The following XKR4 variants were observed in gnomAD, a reference collection of about 807,000 sequenced individuals.
The protein encoded by XKR4 is XK related 4.
Under a neutral mutation model 53.9 loss-of-function variants are expected in XKR4, and 12 were observed. The observed-to-expected ratio is 0.22, with a 90% CI of 0.14 to 0.36. The LOEUF (loss-of-function observed/expected upper bound fraction) is 0.36, where lower values mean the gene tolerates loss of function less well. XKR4 is among the 10% of genes least tolerant of loss of function. XKR4 has a pLI of 1.00. For synonymous variants in XKR4, 354 were observed against 362.4 expected, an observed-to-expected ratio of 0.98 and a Z score of 0.26; for missense variants, 799 against 859.5, an observed-to-expected ratio of 0.93 and a Z score of 0.88.
In XKR4 at chr8:55,458,640, G is replaced by A. The variant is rs1045808365; in HGVS notation, c.1007-64641G>A. On this transcript the variant is annotated intron_variant, in intron 2 of 2. Transcript: ENST00000327381. Reference sequence around the variant, plus strand: ...CTCAGTGGGATGGGGAGCTGGAAAGGGAATGGAGTGGGAAAGTGGTCTTCC... The same window carrying A: ...CTCAGTGGGATGGGGAGCTGGAAAGAGAATGGAGTGGGAAAGTGGTCTTCC... Among the ~76,000 whole-genome samples the A allele has an allele frequency of 7.2e-5, 11 of 152,214 alleles. 1 individual carries two copies. Among genetic ancestry groups the A allele is most frequent in the Middle Eastern group, 6.3e-3 (2 of 316 alleles).
chr8:55,292,740 G>A (rs576141211), intron 1 of XKR4, among the ~76,000 whole-genome samples: 4 of 152,078 alleles, frequency 2.6e-5, no homozygotes, highest in African/African-American at 9.6e-5. Flanking sequence ...GTTAATTTGA[G>A]ACTCTTCTTT....
Position 55,333,638 on chromosome 8 carries a change from A to T in XKR4, c.807-24040A>T, listed in dbSNP as rs369509097. On this transcript the variant is annotated intron_variant, in intron 1 of 2. Transcript: ENST00000327381. ...CCCCTTGCGATTTTCTTGAGTTATAACAATAGCCTCCAATGGCTTTCTCTA... is the reference window on the plus strand; with the variant it reads ...CCCCTTGCGATTTTCTTGAGTTATATCAATAGCCTCCAATGGCTTTCTCTA... 3.9e-5 allele frequency among the ~76,000 whole-genome samples: 6 copies of T among 152,262 alleles called. No homozygotes were observed. The East Asian group carries it at 9.6e-4, about 24-fold the overall frequency.
chr8:55,434,804 C>T (rs557828826), intron 2 of XKR4, among the ~76,000 whole-genome samples: 6 of 152,284 alleles, frequency 3.9e-5, no homozygotes, highest in African/African-American at 1.2e-4. Flanking sequence ...AGCTCCTTCA[C>T]ACAGTTACAC....
intron 1 of XKR4, among the ~76,000 whole-genome samples, chr8:55,349,956 A>C (rs538344149): frequency 6.6e-6 from 1 of 152,282 alleles, no homozygotes; most frequent in South Asian, 2.1e-4. Context: ...CCCACCACTG[A>C]GAGATCATCA....
At chr8:55,464,304 A>C (rs576754390) in intron 2 of XKR4, among the ~76,000 whole-genome samples, 1 of 152,294 alleles carries the variant, frequency 6.6e-6, no homozygotes, top group Admixed American at 6.5e-5. Flanking sequence ...CATCCCTGGG[A>C]TGCAAGGCTG....
chr8:55,448,449 A>G (rs1000989107), intron 2 of XKR4, among the ~76,000 whole-genome samples: 1 of 152,378 alleles, frequency 6.6e-6, no homozygotes, highest in African/African-American at 2.4e-5. Context: ...AGGCAAACCC[A>G]TGCTACTGGA....
intron 1 of XKR4, among the ~76,000 whole-genome samples, chr8:55,216,496 G>A (rs62517006): frequency 0.037 from 5,654 of 152,288 alleles, 159 homozygotes; most frequent in Middle Eastern, 0.068. Flanking sequence ...GAGAGGCCAA[G>A]GCGGGCTGAT....
At chr8:55,196,123 C>G (rs1000949906) in intron 1 of XKR4, among the ~76,000 whole-genome samples, 1 of 149,478 alleles carries the variant, frequency 6.7e-6, no homozygotes, top group African/African-American at 2.5e-5. Context: ...CCCTCTACTT[C>G]TTTATAGTAA....
chr8:55,394,894 G>A (rs1010112371), intron 2 of XKR4, among the ~76,000 whole-genome samples: 5 of 152,008 alleles, frequency 3.3e-5, no homozygotes, highest in African/African-American at 1.2e-4. Flanking sequence ...TCTTCATTTT[G>A]TAATCACTTT....
chr8:55,326,116 C>T (rs1399292364), intron 1 of XKR4, among the ~76,000 whole-genome samples: 2 of 152,234 alleles, frequency 1.3e-5, no homozygotes, highest in East Asian at 1.9e-4. Flanking sequence ...TGCGAATGAC[C>T]TGATAATGAG....
chr8:55,429,979 G>T (rs1482352702), intron 2 of XKR4, among the ~76,000 whole-genome samples: 3 of 152,072 alleles, frequency 2.0e-5, no homozygotes, highest in African/African-American at 7.2e-5. Context: ...ATGGGCAAAT[G>T]ATATGAAGAG....
At chr8:55,520,533 C>T (rs2929017) in intron 2 of XKR4, among the ~76,000 whole-genome samples, 26,614 of 152,200 alleles carry the variant, frequency 0.17, 2,885 homozygotes, top group East Asian at 0.24. Context: ...CTACAGTAAG[C>T]TGAGATCGTG....
chr8:55,300,200 G>A (rs16921571), intron 1 of XKR4, among the ~76,000 whole-genome samples: 56,741 of 151,954 alleles, frequency 0.37, 12,801 homozygotes, highest in African/African-American at 0.64. Context: ...TAAGGGAGTC[G>A]CTGAAATGAT....
intron 1 of XKR4, among the ~76,000 whole-genome samples, chr8:55,136,634 C>T (rs1454394425): frequency 1.3e-5 from 2 of 152,136 alleles, no homozygotes; most frequent in African/African-American, 4.8e-5. Context: ...AGATTTCGAT[C>T]TTTTTTGCTC....
chr8:55,288,976 C>T (rs11779913), intron 1 of XKR4, among the ~76,000 whole-genome samples: 112,259 of 152,054 alleles, frequency 0.74, 44,964 homozygotes, highest in Non-Finnish European at 0.91. Flanking sequence ...CCCACCAGGA[C>T]GTTGCATGGA....
chr8:55,418,872 G>A (rs545316163), intron 2 of XKR4, among the ~76,000 whole-genome samples: 71 of 150,542 alleles, frequency 4.7e-4, no homozygotes, highest in African/African-American at 1.7e-3. Context: ...TGATGCTTCT[G>A]CTCTCCAATT....
chr8:55,280,980 T>C (rs1214346204), intron 1 of XKR4, among the ~76,000 whole-genome samples: 1 of 152,202 alleles, frequency 6.6e-6, no homozygotes, highest in Non-Finnish European at 1.5e-5. Flanking sequence ...AACTAACAGT[T>C]TTGTTAAAAT....
chr8:55,251,482 C>T (rs17430142), intron 1 of XKR4, among the ~76,000 whole-genome samples: 3,231 of 152,222 alleles, frequency 0.021, 62 homozygotes, highest in Non-Finnish European at 0.036. Context: ...TTTTTTTAAA[C>T]ATAAAGACCA....
intron 2 of XKR4, among the ~76,000 whole-genome samples, chr8:55,473,829 T>C (rs1022421711): frequency 6.6e-6 from 1 of 151,864 alleles, no homozygotes; most frequent in Non-Finnish European, 1.5e-5. Context: ...CTTCTTTCCT[T>C]CTTTTCTTTT....
Sources: allele counts gnomAD v4.1 joint callset (sites outside exome capture counted in the v4.1 genomes callset), GRCh38; gene constraint gnomAD v4.1.1; transcripts MANE v1.5; gene names NCBI Gene and HGNC (gene_info 2026-07-23, HGNC 2026-07-21).